HCN1: variants seen among roughly 807,000 people sequenced by gnomAD.
HCN1 encodes hyperpolarization activated cyclic nucleotide gated potassium channel 1.
Under a neutral mutation model 78.9 loss-of-function variants are expected in HCN1, and 13 were observed. The observed-to-expected ratio is 0.16, with a 90% CI of 0.11 to 0.26. The LOEUF is 0.26. Ranked by LOEUF, HCN1 falls within the 10% of genes least tolerant of loss-of-function variation. The pLI is 1.00. For synonymous variants in HCN1, 552 were observed against 455.5 expected, an observed-to-expected ratio of 1.21 and a Z score of -2.70; for missense variants, 810 against 1,154.3, an observed-to-expected ratio of 0.70 and a Z score of 4.32.
At chr5:45,436,465 C>G (rs1386879114) in intron 3 of HCN1, among the ~76,000 whole-genome samples, 4 of 152,076 alleles carry the variant, frequency 2.6e-5, no homozygotes, top group Admixed American at 2.0e-4. Context: ...TAATATAGGT[C>G]ACTGTACAGA....
intron 3 of HCN1, among the ~76,000 whole-genome samples, chr5:45,434,383 C>A (rs912322906): frequency 3.4e-4 from 51 of 152,156 alleles, no homozygotes; most frequent in African/African-American, 1.2e-3. Flanking sequence ...AAATGGACAT[C>A]CGCAGGCAGC....
At chr5:45,451,184 G>A (rs1740911338) in intron 3 of HCN1, among the ~76,000 whole-genome samples, 1 of 152,008 alleles carries the variant, frequency 6.6e-6, no homozygotes, top group African/African-American at 2.4e-5. Flanking sequence ...TATATAAACT[G>A]TCTCTACATC....
intron 2 of HCN1, among the ~76,000 whole-genome samples, chr5:45,467,864 C>G (rs1220293062): frequency 6.6e-6 from 1 of 152,150 alleles, no homozygotes; most frequent in Admixed American, 6.6e-5. Context: ...AGAATCTTCA[C>G]TTCCTAGGTA....
chr5:45,271,923 T>C (rs1744968950), intron 6 of HCN1, among the ~76,000 whole-genome samples: 1 of 152,084 alleles, frequency 6.6e-6, no homozygotes, highest in Non-Finnish European at 1.5e-5. Context: ...CCTCAATAAT[T>C]TCTTAGTGAG....
At chr5:45,598,029 A>T (rs1020913740) in intron 2 of HCN1, among the ~76,000 whole-genome samples, 2 of 152,162 alleles carry the variant, frequency 1.3e-5, no homozygotes, top group Non-Finnish European at 2.9e-5. Flanking sequence ...CCATCAAGCT[A>T]CCAATGACTT....
At chr5:45,372,310 T>A (rs1353857894) in intron 4 of HCN1, among the ~76,000 whole-genome samples, 2 of 97,518 alleles carry the variant, frequency 2.1e-5, no homozygotes, top group Non-Finnish European at 3.6e-5. Flanking sequence ...ATATATAATA[T>A]GTGAAATATA....
chr5:45,597,215 C>T (rs1289359776), intron 2 of HCN1, among the ~76,000 whole-genome samples: 1 of 152,188 alleles, frequency 6.6e-6, no homozygotes, highest in Admixed American at 6.5e-5. Flanking sequence ...AAAAGCTTAT[C>T]CACCACGATC....
At chr5:45,442,861 T>C (rs1740706484) in intron 3 of HCN1, among the ~76,000 whole-genome samples, 2 of 152,136 alleles carry the variant, frequency 1.3e-5, no homozygotes, top group South Asian at 4.1e-4. Flanking sequence ...TATCAATTTT[T>C]AATCAGTTTG....
chr5:45,611,261 A>ATT, intron 2 of HCN1, among the ~76,000 whole-genome samples: 1 of 110,722 alleles, frequency 9.0e-6, no homozygotes. Flanking sequence ...TTTTTTTTTT[A>ATT]TCTTTTTCTT....
chr5:45,551,570 G>A (rs1743371160), intron 2 of HCN1, among the ~76,000 whole-genome samples: 1 of 151,820 alleles, frequency 6.6e-6, no homozygotes. Context: ...TTTCAAAAAA[G>A]AAGGTAAAAT....
intron 1 of HCN1, among the ~76,000 whole-genome samples, chr5:45,688,489 T>C (rs1739849896): frequency 6.6e-6 from 1 of 152,014 alleles, no homozygotes; most frequent in African/African-American, 2.4e-5. Context: ...GGTATTACTG[T>C]AGGAAAAAAT....
chr5:45,613,202 T>C lies in HCN1; in HGVS notation c.849+31983A>G, dbSNP rs936862015. Among the ~76,000 whole-genome samples, 5 of 136,644 alleles carry C rather than the reference T, an allele frequency of 3.7e-5. No homozygotes were observed. In the Admixed American group the frequency reaches 4.2e-4, roughly 11 times the overall value. The allele number at this position is 136,644 out of a possible 152,430, so 89.6% of individuals were successfully genotyped here. A position where few individuals can be genotyped will look rare whatever the true frequency, so the allele number is the denominator to read the frequency against. The stretch of plus-strand genomic sequence containing the variant: ...CCAGAGTGTGATATTCCCCTTCCTG[T>C]GTCCATGTGATCTCATTGTTCAATT... On this transcript the variant is annotated intron_variant, in intron 2 of 7. Transcript: ENST00000303230.
At chr5:45,265,393 A>G (rs1257566324) in intron 7 of HCN1, among the ~76,000 whole-genome samples, 4 of 152,166 alleles carry the variant, frequency 2.6e-5, no homozygotes, top group African/African-American at 2.4e-5. Flanking sequence ...TTATTTTCCA[A>G]TTAAGTAAGG....
At chr5:45,376,296 G>GAATATA (rs1561132480) in intron 4 of HCN1, among the ~76,000 whole-genome samples, 12 of 7,112 alleles carry the variant, frequency 1.7e-3, no homozygotes, top group East Asian at 7.6e-3. Flanking sequence ...GATATATATT[G>GAATATA]TATTATATAT....
intron 2 of HCN1, among the ~76,000 whole-genome samples, chr5:45,490,678 A>G (rs1243513585): frequency 6.6e-6 from 1 of 152,102 alleles, no homozygotes; most frequent in South Asian, 2.1e-4. Flanking sequence ...CTTATTTCAC[A>G]TTGCATGCCT....
At chr5:45,609,605 C>A (rs1221296615) in intron 2 of HCN1, among the ~76,000 whole-genome samples, 1 of 152,090 alleles carries the variant, frequency 6.6e-6, no homozygotes, top group African/African-American at 2.4e-5. Flanking sequence ...ATAATAGCTA[C>A]AACATCATTT....
intron 2 of HCN1, among the ~76,000 whole-genome samples, chr5:45,573,298 C>A (rs1443754508): frequency 2.6e-5 from 4 of 152,030 alleles, no homozygotes; most frequent in Non-Finnish European, 4.4e-5. Flanking sequence ...ATCTGAACAT[C>A]ATTATGAAAG....
Position 45,262,696 on chromosome 5 carries a change from A to G in HCN1, c.1898T>C (p.Val633Ala). ...KQIVKHDREM[V>A]QAIAPINYPQ... Reference sequence around the variant, plus strand: ...ATAATTGATGGGAGCGATTGCCTGCACCATCTCCCTGTCATGTTTCACAAT... The same window carrying G: ...ATAATTGATGGGAGCGATTGCCTGCGCCATCTCCCTGTCATGTTTCACAAT... Residue 633 changes from valine (V) to alanine (A), a missense_variant, in exon 8 of 8, where the codon GTG becomes GCG. Val to Ala is a moderately conservative substitution (Grantham distance 64). Transcript: ENST00000303230. 2 of 1,614,066 alleles carry G rather than the reference A, an allele frequency of 1.2e-6. No individual in the cohort carries two copies. The highest frequency in any genetic ancestry group is 1.7e-6 in the Non-Finnish European group (2 of 1,180,000).
chr5:45,628,015 A>G (rs544079574), intron 2 of HCN1, among the ~76,000 whole-genome samples: 1 of 152,366 alleles, frequency 6.6e-6, no homozygotes, highest in East Asian at 1.9e-4. Flanking sequence ...ACAAAAGCAT[A>G]GACGCAAATA....
Sources: allele counts gnomAD v4.1 joint callset (sites outside exome capture counted in the v4.1 genomes callset), GRCh38; gene constraint gnomAD v4.1.1; transcripts MANE v1.5; gene names NCBI Gene and HGNC (gene_info 2026-07-23, HGNC 2026-07-21).